The following CLEC16A variants were observed in gnomAD, a reference collection of about 807,000 sequenced individuals.
The protein encoded by CLEC16A is C-type lectin domain containing 16A, also known as protein CLEC16A.
Under a neutral mutation model 109.5 loss-of-function variants are expected in CLEC16A, and 51 were observed. The ratio of observed to expected loss-of-function variants is 0.47; its 90% confidence interval spans 0.37 to 0.59. The LOEUF is 0.59. Ranked by LOEUF, CLEC16A falls within the 20% of genes least tolerant of loss-of-function variation. CLEC16A has a pLI of 0.00. For missense variants in CLEC16A, 1,339 were observed against 1,394.0 expected (o/e 0.96, Z 0.63); for synonymous variants, 673 against 564.2 (o/e 1.19, Z -2.73).
intron 18 of CLEC16A, among the ~76,000 whole-genome samples, chr16:11,060,195 G>A (rs571389902): frequency 5.9e-5 from 9 of 152,300 alleles, no homozygotes; most frequent in African/African-American, 1.9e-4. Context: ...TGTGCCCCTG[G>A]TCTGCTGGCA....
At chr16:10,953,258 G>C (rs1004338263) in intron 1 of CLEC16A, among the ~76,000 whole-genome samples, 1 of 152,234 alleles carries the variant, frequency 6.6e-6, no homozygotes, top group African/African-American at 2.4e-5. Context: ...CAATGGTGGC[G>C]CTGGAGTGCA....
Position 10,954,077 on chromosome 16 carries a change from TGGAA to T in CLEC16A, c.81-3703_81-3700del, listed in dbSNP as rs1490712832. Among the ~76,000 whole-genome samples, 1 of 151,986 alleles carries T rather than the reference TGGAA, an allele frequency of 6.6e-6. No homozygotes were observed. The highest frequency in any genetic ancestry group is 2.4e-5 in the African/African-American group (1 of 41,350). ...ATGAACAGGCACCCGGTTTCACTAC[TGGAA>T]GAAAGCCCCCACGCAATATCACTGC... On this transcript the variant is annotated intron_variant, in intron 1 of 23. Transcript: ENST00000409790. The surrounding 1 kb of genome is among the most constrained non-coding windows in gnomAD (Gnocchi z 4.2).
At chr16:10,990,861 T>C in intron 10 of CLEC16A, among the ~76,000 whole-genome samples, 1 of 152,218 alleles carries the variant, frequency 6.6e-6, no homozygotes. Flanking sequence ...ACTTCTGGCC[T>C]CTGTCCCCTG....
intron 22 of CLEC16A, among the ~76,000 whole-genome samples, chr16:11,142,764 C>T (rs1450414326): frequency 6.6e-6 from 1 of 152,222 alleles, no homozygotes; most frequent in African/African-American, 2.4e-5. Flanking sequence ...AGGTAGGCTT[C>T]TGAGGAAAGC....
intron 11 of CLEC16A, 94 bp from the exon 12 acceptor site, chr16:11,020,099 A>G: frequency 1.4e-6 from 2 of 1,422,412 alleles, no homozygotes; most frequent in South Asian, 2.9e-5. Flanking sequence ...GTTTGGAGTC[A>G]TTTATGCATA....
At chr16:11,077,859 C>T (rs920037424) in intron 19 of CLEC16A, among the ~76,000 whole-genome samples, 2 of 151,752 alleles carry the variant, frequency 1.3e-5, no homozygotes, top group African/African-American at 2.4e-5. Context: ...TGGCTCATGC[C>T]GGTAATCCCA....
chr16:11,133,366 C>A (rs1414959974), intron 22 of CLEC16A, among the ~76,000 whole-genome samples: 1 of 151,086 alleles, frequency 6.6e-6, no homozygotes, highest in African/African-American at 2.4e-5. Flanking sequence ...TTTTTTTTGA[C>A]TCTCCTGAGT....
chr16:11,045,070 G>T (rs1167825932), intron 16 of CLEC16A, among the ~76,000 whole-genome samples: 4 of 152,136 alleles, frequency 2.6e-5, no homozygotes, highest in African/African-American at 9.7e-5. Context: ...GCCGGGCATG[G>T]TGGCTCATGC....
At chr16:11,042,870 T>C (rs1241139035) in intron 15 of CLEC16A, among the ~76,000 whole-genome samples, 2 of 150,024 alleles carry the variant, frequency 1.3e-5, no homozygotes, top group African/African-American at 2.4e-5. Flanking sequence ...ATATTATATA[T>C]GTAAATAATA....
At chr16:11,152,075 A>G (rs895708103) in intron 22 of CLEC16A, among the ~76,000 whole-genome samples, 6 of 152,234 alleles carry the variant, frequency 3.9e-5, no homozygotes, top group Non-Finnish European at 8.8e-5. Flanking sequence ...ATTGAACAGC[A>G]GATGCCTAAC....
chr16:11,141,174 C>T (rs1250983775), intron 22 of CLEC16A, among the ~76,000 whole-genome samples: 1 of 152,208 alleles, frequency 6.6e-6, no homozygotes, highest in East Asian at 1.9e-4. Flanking sequence ...AGGGTCCTCC[C>T]AAGTATTCTA....
intron 22 of CLEC16A, among the ~76,000 whole-genome samples, chr16:11,156,865 G>A (rs961085542): frequency 6.6e-6 from 1 of 151,896 alleles, no homozygotes. Flanking sequence ...GGCCTGGATA[G>A]GTGCTCATGT....
At chr16:11,107,055 G>T (rs1358500858) in intron 19 of CLEC16A, among the ~76,000 whole-genome samples, 3 of 152,234 alleles carry the variant, frequency 2.0e-5, no homozygotes, top group African/African-American at 4.8e-5. Flanking sequence ...GTGGGCAGAG[G>T]GGTGTGGAGA....
chr16:11,008,682 C>T (rs1198542048), intron 11 of CLEC16A, among the ~76,000 whole-genome samples: 1 of 151,810 alleles, frequency 6.6e-6, no homozygotes. Flanking sequence ...TTTCTAAGTG[C>T]ACATTTCAGT....
At chr16:11,149,013 G>T (rs1277078831) in intron 22 of CLEC16A, among the ~76,000 whole-genome samples, 2 of 152,212 alleles carry the variant, frequency 1.3e-5, no homozygotes, top group East Asian at 1.9e-4. Context: ...AGTTCAATAT[G>T]ATAAACTCCC....
intron 22 of CLEC16A, among the ~76,000 whole-genome samples, chr16:11,146,801 C>T (rs1004349598): frequency 2.6e-5 from 4 of 152,010 alleles, no homozygotes; most frequent in Non-Finnish European, 4.4e-5. Context: ...ATGGTGGAGC[C>T]AACAGATCTT....
At chr16:10,987,943 G>C (rs1235221443) in intron 10 of CLEC16A, among the ~76,000 whole-genome samples, 1 of 152,214 alleles carries the variant, frequency 6.6e-6, no homozygotes, top group African/African-American at 2.4e-5. Context: ...GGAGATCACA[G>C]TTATTTGAAA....
In CLEC16A at chr16:10,952,123, C is replaced by A. The variant is rs531311753; in HGVS notation, c.81-5659C>A. 1.6e-3 allele frequency among the ~76,000 whole-genome samples: 240 copies of A among 152,350 alleles called. 1 individual carries two copies. Among genetic ancestry groups the A allele is most frequent in the Non-Finnish European group, 2.2e-3 (147 of 68,020 alleles). On this transcript the variant is annotated intron_variant, in intron 1 of 23. Transcript: ENST00000409790. ...CAGCAGCAGTCATCTCTAGGCACCACGGTTGCCGTTTCTCTTTCATTGTTG... is the reference window on the plus strand; with the variant it reads ...CAGCAGCAGTCATCTCTAGGCACCAAGGTTGCCGTTTCTCTTTCATTGTTG...
At chr16:11,012,452 A>G (rs2152777876) in intron 11 of CLEC16A, among the ~76,000 whole-genome samples, 1 of 152,066 alleles carries the variant, frequency 6.6e-6, no homozygotes, top group South Asian at 2.1e-4. Context: ...AAAATTAACC[A>G]GGCGGAATGG....
Sources: gnomAD v4.1 joint callset for allele counts (sites outside exome capture counted in the v4.1 genomes callset) on GRCh38, gnomAD v4.1.1 for gene constraint, Gnocchi (gnomAD v3.1) non-coding constraint, MANE v1.5 for transcripts, NCBI Gene and HGNC (gene_info 2026-07-23, HGNC 2026-07-21) for gene names.